The following KDM2B variants were observed in gnomAD, a reference collection of about 807,000 sequenced individuals.
The protein encoded by KDM2B is lysine demethylase 2B.
In KDM2B, 26 loss-of-function variants were observed where a neutral mutation model predicts 150.0. The observed-to-expected ratio is 0.17, with a 90% CI of 0.13 to 0.24. The LOEUF (loss-of-function observed/expected upper bound fraction) is 0.24. Ranked by LOEUF, KDM2B falls within the 10% of genes least tolerant of loss-of-function variation. KDM2B has a pLI of 1.00. For synonymous variants in KDM2B, 734 were observed against 729.5 expected, an observed-to-expected ratio of 1.01 and a Z score of -0.10; for missense variants, 1,265 against 1,816.9, an observed-to-expected ratio of 0.70 and a Z score of 5.52.
At chr12:121,527,503 AG>A (rs1191500255) in intron 8 of KDM2B, among the ~76,000 whole-genome samples, 1 of 150,558 alleles carries the variant, frequency 6.6e-6, no homozygotes, top group African/African-American at 2.4e-5. Context: ...ATACAAAAAA[AG>A]TTAGCCGGGC....
chr12:121,536,015 C>T, intron 6 of KDM2B: 4 of 982,386 alleles, frequency 4.1e-6, no homozygotes, highest in South Asian at 4.7e-5. Context: ...GCTTACCCCA[C>T]TGACCTCTTT....
the KDM2B span, among the ~76,000 whole-genome samples, chr12:121,411,382 C>G: frequency 1.3e-5 from 2 of 152,200 alleles, no homozygotes. Flanking sequence ...CACAGAGAAT[C>G]CATCTGTTTT....
chr12:121,535,707 GA>G, intron 6 of KDM2B, among the ~76,000 whole-genome samples: 1 of 152,302 alleles, frequency 6.6e-6, no homozygotes, highest in East Asian at 1.9e-4. Context: ...GGGGAAGCAG[GA>G]ACTGGCCAGC....
chr12:121,422,917 G>A, the KDM2B span, among the ~76,000 whole-genome samples: 5 of 102,540 alleles, frequency 4.9e-5, no homozygotes, highest in Non-Finnish European at 7.3e-5. Flanking sequence ...CTTTCCTAAG[G>A]GGGAACTAAG....
chr12:121,568,021 G>A (rs914034426), intron 4 of KDM2B, among the ~76,000 whole-genome samples: 3 of 151,920 alleles, frequency 2.0e-5, no homozygotes, highest in East Asian at 1.9e-4. Flanking sequence ...GAGCCACTGC[G>A]CCCAGCCTAA....
intron 8 of KDM2B, among the ~76,000 whole-genome samples, chr12:121,532,467 T>C (rs1594066555): frequency 1.3e-5 from 2 of 152,314 alleles, no homozygotes; most frequent in African/African-American, 4.8e-5. Flanking sequence ...CCTGAGGCCA[T>C]GCACAGCCCT....
intron 22 of KDM2B, among the ~76,000 whole-genome samples, chr12:121,432,534 C>T (rs1309817069): frequency 6.6e-6 from 1 of 152,200 alleles, no homozygotes; most frequent in Non-Finnish European, 1.5e-5. Context: ...GCCTGTCTGA[C>T]CAGGATGGTT....
the KDM2B span, chr12:121,416,574 C>T: frequency 1.9e-6 from 1 of 516,308 alleles, no homozygotes; most frequent in Non-Finnish European, 3.4e-6. Context: ...CATTGTTTCT[C>T]ATGTTCAGGC....
chr12:121,411,138 C>T, the KDM2B span, among the ~76,000 whole-genome samples: 1 of 152,154 alleles, frequency 6.6e-6, no homozygotes, highest in Non-Finnish European at 1.5e-5. Context: ...CCTATGTTGC[C>T]CAGGCTGGTC....
chr12:121,565,130 G>A (rs1555314626), intron 4 of KDM2B, among the ~76,000 whole-genome samples: 1 of 152,032 alleles, frequency 6.6e-6, no homozygotes, highest in African/African-American at 2.4e-5. Context: ...ACCACGCCCG[G>A]CCTGAAAAGG....
intron 9 of KDM2B, chr12:121,516,929 G>A: frequency 3.1e-6 from 2 of 649,188 alleles, no homozygotes; most frequent in Non-Finnish European, 2.7e-6. Context: ...GAAGGGGAGA[G>A]GGAAGGTAAA....
Position 121,513,416 on chromosome 12 carries a change from C to T in KDM2B, c.1048-14G>A. The T allele has an allele frequency of 3.1e-6, 5 of 1,608,670 alleles. No homozygotes were observed. The highest frequency in any genetic ancestry group is 2.2e-5 in the East Asian group (1 of 44,716). On this transcript the variant is annotated splice_polypyrimidine_tract_variant and intron_variant, in intron 9 of 22. Transcript: ENST00000377071. The surrounding 1 kb of genome is among the most constrained non-coding windows in gnomAD (Gnocchi z 5.0). ...TTTGGGCTGCACCTGAAAGCAAAGA[C>T]GCAGGCAGGCAGAGGTCAGTTTCCA...
At chr12:121,553,972 G>A (rs920203045) in intron 4 of KDM2B, among the ~76,000 whole-genome samples, 1 of 151,656 alleles carries the variant, frequency 6.6e-6, no homozygotes, top group African/African-American at 2.4e-5. Flanking sequence ...GACAGAGCTG[G>A]AAGGAGCGCT....
intron 4 of KDM2B, among the ~76,000 whole-genome samples, chr12:121,566,961 A>C (rs375338350): frequency 2.8e-4 from 43 of 151,698 alleles, no homozygotes; most frequent in African/African-American, 1.0e-3. Flanking sequence ...AGCTCACTGC[A>C]ACCTCCGCCT....
chr12:121,415,335 TA>T, the KDM2B span: 1 of 374,462 alleles, frequency 2.7e-6, no homozygotes, highest in Non-Finnish European at 5.8e-6. Context: ...AATTTAAATT[TA>T]TGGGCCTGGC....
At chr12:121,476,960 T>C (rs1193101207) in intron 12 of KDM2B, among the ~76,000 whole-genome samples, 3 of 152,178 alleles carry the variant, frequency 2.0e-5, no homozygotes, top group Non-Finnish European at 2.9e-5. Context: ...GGAGGAACTG[T>C]TTTTAGGGGT....
intron 14 of KDM2B, 127 bp downstream of exon 14, chr12:121,445,148 A>T (rs1372735362): frequency 8.0e-6 from 9 of 1,127,748 alleles, no homozygotes; most frequent in Non-Finnish European, 1.1e-5. Flanking sequence ...GACACACAGG[A>T]TCACCCAGAC....
At chr12:121,428,845 A>T (rs369091474), downstream of KDM2B, among the ~76,000 whole-genome samples, 20 of 152,274 alleles carry the variant, frequency 1.3e-4, 1 homozygote, top group South Asian at 3.9e-3. Flanking sequence ...CTGTCTCCCA[A>T]ATCTGGCGAA....
chr12:121,504,695 G>A (rs1555302643), intron 11 of KDM2B, among the ~76,000 whole-genome samples: 1 of 152,180 alleles, frequency 6.6e-6, no homozygotes, highest in Non-Finnish European at 1.5e-5. Context: ...TAGTGGTGGT[G>A]GTTGCACACG....
Sources: gnomAD v4.1 joint callset for allele counts (sites outside exome capture counted in the v4.1 genomes callset) on GRCh38, gnomAD v4.1.1 for gene constraint, Gnocchi (gnomAD v3.1) non-coding constraint, MANE v1.5 for transcripts, NCBI Gene and HGNC (gene_info 2026-07-23, HGNC 2026-07-21) for gene names.